Variants in CHST11 observed in about 807,000 individuals in gnomAD.
CHST11 encodes carbohydrate sulfotransferase 11.
In CHST11, 9 loss-of-function variants were observed where a neutral mutation model predicts 30.4. The observed-to-expected ratio is 0.30, with a 90% confidence interval of 0.18 to 0.52. CHST11 has a LOEUF of 0.52. Ranked by LOEUF, CHST11 falls within the 20% of genes least tolerant of loss-of-function variation. The pLI, the probability that CHST11 is intolerant of heterozygous loss-of-function variation, is 0.97. For missense variants in CHST11, 348 were observed against 460.6 expected, an observed-to-expected ratio of 0.76 and a Z score of 2.24; for synonymous variants, 152 against 187.8, an observed-to-expected ratio of 0.81 and a Z score of 1.56.
At position 104,606,636 on chromosome 12, in the gene CHST11, T is replaced by TC. The variant is rs2039007817; in HGVS notation, c.204+4648dup. Among the ~76,000 whole-genome samples the TC allele has an allele frequency of 2.0e-5, 3 of 152,142 alleles. No individual in the cohort carries two copies. The South Asian group carries it at 6.2e-4, about 32-fold the overall frequency. The stretch of plus-strand genomic sequence containing the variant: ...TGAGGAGAGGCTGGTGCTTTATTTT[T>TC]CCCGGGTGAAAACATGCTTCCTTGA... On this transcript the variant is annotated intron_variant, in intron 2 of 2. Transcript: ENST00000303694.
chr12:104,557,212 A>G (rs1421540782), intron 1 of CHST11, among the ~76,000 whole-genome samples: 5 of 152,152 alleles, frequency 3.3e-5, no homozygotes, highest in African/African-American at 1.2e-4. Context: ...TAAGGCGGGA[A>G]TGTGCAGGGG....
At chr12:104,680,288 T>C (rs2039782036) in intron 2 of CHST11, among the ~76,000 whole-genome samples, 1 of 152,234 alleles carries the variant, frequency 6.6e-6, no homozygotes, top group Non-Finnish European at 1.5e-5. Context: ...TGGAGTGACA[T>C]GCAAATGCCA....
chr12:104,740,199 G>T (rs1463669550), intron 2 of CHST11, among the ~76,000 whole-genome samples: 1 of 152,156 alleles, frequency 6.6e-6, no homozygotes, highest in East Asian at 1.9e-4. Flanking sequence ...AGCCCAGGGG[G>T]ACCTATCCCA....
intron 2 of CHST11, among the ~76,000 whole-genome samples, chr12:104,746,082 C>A (rs1398919110): frequency 2.6e-5 from 4 of 152,162 alleles, no homozygotes; most frequent in African/African-American, 9.7e-5. Context: ...GGTTTGAATT[C>A]TGACTTCTCT....
At chr12:104,737,818 G>C (rs1195629220) in intron 2 of CHST11, among the ~76,000 whole-genome samples, 1 of 152,120 alleles carries the variant, frequency 6.6e-6, no homozygotes, top group Non-Finnish European at 1.5e-5. Context: ...CTGGGCATGG[G>C]GAGGTGAAAG....
At chr12:104,722,133 C>T (rs996962989) in intron 2 of CHST11, among the ~76,000 whole-genome samples, 8 of 148,236 alleles carry the variant, frequency 5.4e-5, no homozygotes, top group Non-Finnish European at 7.4e-5. Flanking sequence ...GGACTACTGG[C>T]GCATACTACC....
intron 2 of CHST11, among the ~76,000 whole-genome samples, chr12:104,740,660 GC>G (rs2040338774): frequency 1.3e-5 from 2 of 152,198 alleles, no homozygotes; most frequent in East Asian, 3.8e-4. Flanking sequence ...ACTCTGAGAT[GC>G]AAAATTATTT....
At chr12:104,468,346 T>C (rs1384413207) in intron 1 of CHST11, among the ~76,000 whole-genome samples, 1 of 152,148 alleles carries the variant, frequency 6.6e-6, no homozygotes, top group African/African-American at 2.4e-5. Context: ...TACTCCCCCA[T>C]GGGACTCGTA....
At chr12:104,714,551 GTGATGA>G (rs58768319) in intron 2 of CHST11, among the ~76,000 whole-genome samples, 20 of 150,954 alleles carry the variant, frequency 1.3e-4, no homozygotes, top group African/African-American at 4.2e-4. Flanking sequence ...TGTGGAGGTG[GTGATGA>G]TGATGATGAT....
intron 2 of CHST11, among the ~76,000 whole-genome samples, chr12:104,713,749 T>C (rs571364623): frequency 3.3e-5 from 5 of 152,280 alleles, no homozygotes; most frequent in Admixed American, 6.5e-5. Flanking sequence ...CATTACCCCA[T>C]GATGCTGCAG....
chr12:104,468,550 G>A lies in CHST11; in HGVS notation c.118+11021G>A, dbSNP rs139798449. On this transcript the variant is annotated intron_variant, in intron 1 of 2. Transcript: ENST00000303694. ...CATTACTCTTCCCATCCACCCTAAA[G>A]ATTGGCGAGAATGATTGCAGTTTAG... Among the ~76,000 whole-genome samples the A allele has an allele frequency of 4.0e-3, 615 of 152,314 alleles. 6 individuals carry two copies. The highest frequency in any genetic ancestry group is 0.014 in the African/African-American group (580 of 41,570).
At chr12:104,526,348 C>T (rs2038125826) in intron 1 of CHST11, among the ~76,000 whole-genome samples, 1 of 152,128 alleles carries the variant, frequency 6.6e-6, no homozygotes, top group Non-Finnish European at 1.5e-5. Flanking sequence ...GCCCAGTTGG[C>T]CTCTATTGCA....
chr12:104,623,382 T>G (rs2039179843), intron 2 of CHST11, among the ~76,000 whole-genome samples: 1 of 152,222 alleles, frequency 6.6e-6, no homozygotes, highest in Non-Finnish European at 1.5e-5. Flanking sequence ...TTATTGCTGA[T>G]GTACGGTCGA....
intron 2 of CHST11, among the ~76,000 whole-genome samples, chr12:104,605,152 CAAAAAAA>C (rs3039180): frequency 0.022 from 2,098 of 93,522 alleles, 61 homozygotes; most frequent in African/African-American, 0.073. Context: ...ATCCCCTCTC[CAAAAAAA>C]AAAAAAAAAA....
chr12:104,477,703 C>G (rs1310520470), intron 1 of CHST11, among the ~76,000 whole-genome samples: 1 of 152,180 alleles, frequency 6.6e-6, no homozygotes, highest in Non-Finnish European at 1.5e-5. Flanking sequence ...CGATCTTGGA[C>G]TTTCCAGCCT....
rs549405572 is a variant in CHST11 at position 104,515,236 on chromosome 12, T to C, written c.118+57707T>C. On this transcript the variant is annotated intron_variant, in intron 1 of 2. Coordinates refer to ENST00000303694, the MANE Select transcript of CHST11 (RefSeq NM_018413.6). ...GCTGGAACTCAGCCATGCTCCCTTG[T>C]TGGCGTACTTTCTGTGCCACTTTTG... is the stretch of plus-strand genomic sequence containing the variant. Among the ~76,000 whole-genome samples the C allele has an allele frequency of 4.6e-5, 7 of 152,358 alleles. No homozygotes were observed. In the South Asian group the frequency reaches 1.4e-3, roughly 32 times the overall value.
chr12:104,540,869 G>A (rs2038279159), intron 1 of CHST11, among the ~76,000 whole-genome samples: 1 of 152,186 alleles, frequency 6.6e-6, no homozygotes, highest in African/African-American at 2.4e-5. Flanking sequence ...GGATTGAAGT[G>A]AAGGGGTGAG....
chr12:104,503,736 C>G (rs962256327), intron 1 of CHST11, among the ~76,000 whole-genome samples: 1 of 152,160 alleles, frequency 6.6e-6, no homozygotes, highest in Non-Finnish European at 1.5e-5. Context: ...CCTGGGAGTT[C>G]TGGCCACCAC....
intron 2 of CHST11, among the ~76,000 whole-genome samples, chr12:104,619,314 G>A (rs2039137948): frequency 6.6e-6 from 1 of 152,212 alleles, no homozygotes; most frequent in Admixed American, 6.5e-5. Flanking sequence ...GCCAGAGGCT[G>A]TGCTTGAAAC....
Sources: allele counts gnomAD v4.1 joint callset (sites outside exome capture counted in the v4.1 genomes callset), GRCh38; gene constraint gnomAD v4.1.1; transcripts MANE v1.5; gene names NCBI Gene and HGNC (gene_info 2026-07-23, HGNC 2026-07-21).